Variants in SOX5 observed in about 807,000 individuals in gnomAD.
SOX5 encodes SRY-box transcription factor 5.
SOX5 carries 9 observed loss-of-function variants against 92.0 expected under a neutral mutation model. The observed-to-expected ratio is 0.10, with a 90% CI of 0.06 to 0.17. SOX5 has a LOEUF of 0.17. Among genes scored for constraint, SOX5 ranks in the 10% least tolerant of loss-of-function variants. The probability of loss-of-function intolerance (pLI) is 1.00; values close to 1 mark genes in which losing one functional copy is unlikely to be tolerated. For missense variants in SOX5, 642 were observed against 944.5 expected (o/e 0.68, Z 4.20); for synonymous variants, 344 against 336.3 (o/e 1.02, Z -0.25).
At chr12:24,128,474 A>G (rs113496721) in intron 4 of SOX5, among the ~76,000 whole-genome samples, 36 of 152,336 alleles carry the variant, frequency 2.4e-4, no homozygotes, top group Middle Eastern at 3.4e-3. Flanking sequence ...AGCAGTAAAG[A>G]GTGAGCGACA....
intron 4 of SOX5, among the ~76,000 whole-genome samples, chr12:23,994,139 C>T (rs1489957447): frequency 6.6e-6 from 1 of 151,196 alleles, no homozygotes; most frequent in Non-Finnish European, 1.5e-5. Flanking sequence ...CAAAATAAAA[C>T]AAAAACAAAA....
chr12:23,612,799 A>G (rs1196806021), intron 8 of SOX5, among the ~76,000 whole-genome samples: 2 of 152,162 alleles, frequency 1.3e-5, no homozygotes, highest in African/African-American at 2.4e-5. Flanking sequence ...TAAGAGGAGG[A>G]ACAGGGAATA....
At chr12:24,114,727 T>C (rs1947798800) in intron 4 of SOX5, among the ~76,000 whole-genome samples, 1 of 151,936 alleles carries the variant, frequency 6.6e-6, no homozygotes, top group Non-Finnish European at 1.5e-5. Flanking sequence ...CAAGGGTCTT[T>C]TGAAGCCAGT....
chr12:24,240,211 C>T (rs1420138420), intron 3 of SOX5, among the ~76,000 whole-genome samples: 2 of 152,060 alleles, frequency 1.3e-5, no homozygotes, highest in South Asian at 4.1e-4. Context: ...AATTAAAACC[C>T]TGATTTTAGT....
At chr12:24,430,581 GAAC>G (rs1441053068) in intron 1 of SOX5, among the ~76,000 whole-genome samples, 3 of 151,908 alleles carry the variant, frequency 2.0e-5, no homozygotes, top group Non-Finnish European at 1.5e-5. Context: ...CTTTTTTTGA[GAAC>G]AACAAGTGCA....
At chr12:24,089,277 C>T (rs781643239) in intron 4 of SOX5, among the ~76,000 whole-genome samples, 2 of 152,084 alleles carry the variant, frequency 1.3e-5, no homozygotes, top group Non-Finnish European at 2.9e-5. Flanking sequence ...AAACAAAGAA[C>T]GATTGCTACT....
At chr12:23,752,767 T>C (rs530646076) in intron 4 of SOX5, among the ~76,000 whole-genome samples, 1 of 152,024 alleles carries the variant, frequency 6.6e-6, no homozygotes, top group Admixed American at 6.6e-5. Flanking sequence ...ACATCGCTTA[T>C]AAGTAAAGAA....
At chr12:24,103,099 T>C (rs941782360) in intron 4 of SOX5, among the ~76,000 whole-genome samples, 36 of 152,286 alleles carry the variant, frequency 2.4e-4, no homozygotes, top group African/African-American at 8.2e-4. Context: ...GAATCCATAA[T>C]AGATACACAC....
At chr12:23,603,576 A>T (rs1265307875) in intron 9 of SOX5, among the ~76,000 whole-genome samples, 1 of 150,648 alleles carries the variant, frequency 6.6e-6, no homozygotes, top group Non-Finnish European at 1.5e-5. Flanking sequence ...CTTTACGATC[A>T]CTCTTCTTAC....
chr12:23,649,788 A>G (rs1358320265), intron 7 of SOX5, among the ~76,000 whole-genome samples: 1 of 152,172 alleles, frequency 6.6e-6, no homozygotes, highest in African/African-American at 2.4e-5. Flanking sequence ...CAGTCATACT[A>G]TGAAGAATTC....
intron 6 of SOX5, among the ~76,000 whole-genome samples, chr12:23,712,318 C>A (rs1300728710): frequency 2.0e-5 from 3 of 152,136 alleles, no homozygotes; most frequent in Non-Finnish European, 4.4e-5. Flanking sequence ...TAATGGAAAA[C>A]ATGTAAACCT....
At chr12:23,580,687 A>G (rs1015669567) in intron 9 of SOX5, among the ~76,000 whole-genome samples, 1 of 152,106 alleles carries the variant, frequency 6.6e-6, no homozygotes, top group African/African-American at 2.4e-5. Flanking sequence ...CAAAGTAAGT[A>G]AAATCCAAAT....
At chr12:23,909,814 T>A (rs1285819370) in intron 1 of SOX5, among the ~76,000 whole-genome samples, 1 of 145,334 alleles carries the variant, frequency 6.9e-6, no homozygotes, top group Non-Finnish European at 1.5e-5. Context: ...TTTTTTAACC[T>A]CATTACCACA....
At chr12:24,440,456 C>T (rs1262050715) in intron 1 of SOX5, among the ~76,000 whole-genome samples, 1 of 152,074 alleles carries the variant, frequency 6.6e-6, no homozygotes, top group Non-Finnish European at 1.5e-5. Context: ...TCCATGCGTC[C>T]CTGTTTCATT....
chr12:24,550,337 A>G (rs1423299678), intron 1 of SOX5, among the ~76,000 whole-genome samples: 1 of 152,152 alleles, frequency 6.6e-6, no homozygotes, highest in Non-Finnish European at 1.5e-5. Context: ...ATAGCCACCT[A>G]TGTTGTTAAT....
At chr12:24,287,709 T>G (rs984353625) in intron 2 of SOX5, among the ~76,000 whole-genome samples, 8 of 149,580 alleles carry the variant, frequency 5.3e-5, no homozygotes, top group African/African-American at 2.0e-4. Flanking sequence ...TCCTAAAAAT[T>G]ATAGATCTCT....
chr12:24,492,706 G>A (rs1392015505), intron 1 of SOX5, among the ~76,000 whole-genome samples: 1 of 152,116 alleles, frequency 6.6e-6, no homozygotes, highest in Non-Finnish European at 1.5e-5. Flanking sequence ...GAGTCTACAA[G>A]TGATACTTAC....
At chr12:24,251,760 C>T (rs544949501) in intron 3 of SOX5, among the ~76,000 whole-genome samples, 1 of 151,794 alleles carries the variant, frequency 6.6e-6, no homozygotes, top group African/African-American at 2.4e-5. Context: ...TTAGTAGAGA[C>T]AAGTTTTCAC....
chr12:24,485,800 T>C (rs570562804), intron 1 of SOX5, among the ~76,000 whole-genome samples: 1 of 152,280 alleles, frequency 6.6e-6, no homozygotes, highest in African/African-American at 2.4e-5. Flanking sequence ...CAAAAACATG[T>C]GGGTCTTTCA....
Sources: gnomAD v4.1 joint callset for allele counts (sites outside exome capture counted in the v4.1 genomes callset) on GRCh38, gnomAD v4.1.1 for gene constraint, MANE v1.5 for transcripts, NCBI Gene and HGNC (gene_info 2026-07-23, HGNC 2026-07-21) for gene names.